LPP: variants seen among roughly 807,000 people sequenced by gnomAD.
LPP encodes the protein LIM domain containing preferred translocation partner in lipoma.
In LPP, 38 loss-of-function variants were observed where a neutral mutation model predicts 60.4. That is an observed-to-expected ratio of 0.63 (90% CI 0.49 to 0.83). The LOEUF is 0.83. Ranked by LOEUF, LPP falls within the 40% of genes least tolerant of loss-of-function variation. The pLI is 0.00. For synonymous variants in LPP, 328 were observed against 290.8 expected, an observed-to-expected ratio of 1.13 and a Z score of -1.30; for missense variants, 902 against 783.6, an observed-to-expected ratio of 1.15 and a Z score of -1.80.
chr3:188,519,680 G>T (rs527844246), intron 5 of LPP, among the ~76,000 whole-genome samples: 7 of 152,226 alleles, frequency 4.6e-5, no homozygotes, highest in Admixed American at 4.6e-4. Context: ...GGGTGGTTTT[G>T]CAACATCTTA....
intron 2 of LPP, among the ~76,000 whole-genome samples, chr3:188,267,308 C>T (rs192925968): frequency 6.6e-6 from 1 of 152,252 alleles, no homozygotes; most frequent in East Asian, 1.9e-4. Flanking sequence ...TCTTACTAGC[C>T]CCTCATTCCC....
chr3:188,584,872 A>G (rs1398796214), intron 6 of LPP, among the ~76,000 whole-genome samples: 11 of 152,036 alleles, frequency 7.2e-5, no homozygotes, highest in Non-Finnish European at 1.6e-4. Context: ...TCTCTGTGAT[A>G]TAAATTTATC....
At chr3:188,621,403 A>C (rs1051620338) in intron 7 of LPP, among the ~76,000 whole-genome samples, 3 of 152,140 alleles carry the variant, frequency 2.0e-5, no homozygotes, top group Non-Finnish European at 4.4e-5. Flanking sequence ...TCCCACTCAT[A>C]AGTGAGAATA....
intron 7 of LPP, among the ~76,000 whole-genome samples, chr3:188,682,832 G>A (rs971554524): frequency 2.6e-5 from 4 of 152,156 alleles, no homozygotes; most frequent in Non-Finnish European, 5.9e-5. Context: ...ACATATGCAT[G>A]AGACAGAGAA....
rs1489949286 is a variant in LPP at position 188,250,292 on chromosome 3, A to G, written c.-67+24765A>G. On this transcript the variant is annotated intron_variant, in intron 2 of 11. Transcript: ENST00000617246. The stretch of plus-strand genomic sequence containing the variant: ...ACAATTATAGTATTCCTCATTTTGT[A>G]TTAGTCACTGGTTTCTTCATGTTTT... 2.6e-5 allele frequency among the ~76,000 whole-genome samples: 4 copies of G among 152,176 alleles called. No homozygotes were observed. The East Asian group carries it at 7.7e-4, about 29-fold the overall frequency.
intron 2 of LPP, among the ~76,000 whole-genome samples, chr3:188,259,058 C>A (rs966072447): frequency 1.3e-5 from 2 of 152,154 alleles, no homozygotes; most frequent in African/African-American, 4.8e-5. Flanking sequence ...ATTTTCAACA[C>A]AGAAGGGGTG....
chr3:188,579,961 A>G (rs1835687825), intron 6 of LPP, among the ~76,000 whole-genome samples: 1 of 152,010 alleles, frequency 6.6e-6, no homozygotes, highest in Non-Finnish European at 1.5e-5. Context: ...TGACTGTATC[A>G]CTGCACTCCA....
In LPP at chr3:188,222,040, C is replaced by T. The variant is rs144659238; in HGVS notation, c.-189-3365C>T. Among the ~76,000 whole-genome samples the T allele has an allele frequency of 6.1e-3, 935 of 152,136 alleles. 6 individuals carry two copies. Among genetic ancestry groups the T allele is most frequent in the African/African-American group, 0.021 (851 of 41,510 alleles). ...TCCGTTCCTCAGTTTCTTCAGTGTT[C>T]AATTGGGAAATTTTTCTTATGGTTG... On this transcript the variant is annotated intron_variant, in intron 1 of 11. Transcript: ENST00000617246.
intron 7 of LPP, among the ~76,000 whole-genome samples, chr3:188,686,279 GT>G (rs1860694373): frequency 6.6e-6 from 1 of 152,120 alleles, no homozygotes; most frequent in South Asian, 2.1e-4. Context: ...GGCTGATTCT[GT>G]TTTATGTAGC....
At chr3:188,353,201 A>G (rs1019580690) in intron 3 of LPP, among the ~76,000 whole-genome samples, 2 of 152,160 alleles carry the variant, frequency 1.3e-5, no homozygotes, top group African/African-American at 4.8e-5. Flanking sequence ...AGAAATTGTG[A>G]CTTAAATGGG....
chr3:188,385,072 T>C lies in LPP; in HGVS notation c.-9-21040T>C, dbSNP rs187447427. ...TAGGGATCTAGTTGCTTACTTATTT[T>C]AGACAGTACATCCTTTATGGCCTTG... On this transcript the variant is annotated intron_variant, in intron 3 of 11. Coordinates refer to ENST00000617246, the MANE Select transcript of LPP (RefSeq NM_001375462.1). Among the ~76,000 whole-genome samples the C allele has an allele frequency of 2.8e-3, 421 of 151,886 alleles. 1 individual carries two copies. Among genetic ancestry groups the C allele is most frequent in the Middle Eastern group, 6.8e-3 (2 of 294 alleles).
chr3:188,329,914 A>G (rs1304963396), intron 2 of LPP, among the ~76,000 whole-genome samples: 2 of 152,186 alleles, frequency 1.3e-5, no homozygotes, highest in South Asian at 4.1e-4. Context: ...AAGTCACAGG[A>G]AAGAAAATTG....
At chr3:188,606,183 C>T (rs1001934445) in intron 6 of LPP, among the ~76,000 whole-genome samples, 6 of 152,168 alleles carry the variant, frequency 3.9e-5, no homozygotes, top group African/African-American at 1.2e-4. Flanking sequence ...GAGGAGATGA[C>T]GGCTCTGCCT....
At chr3:188,199,933 T>C (rs561290477) in intron 1 of LPP, among the ~76,000 whole-genome samples, 39 of 152,064 alleles carry the variant, frequency 2.6e-4, no homozygotes, top group Non-Finnish European at 5.6e-4. Flanking sequence ...CAGGCTGGTC[T>C]CGAACTCCTG....
At chr3:188,579,203 A>G (rs956911130) in intron 6 of LPP, among the ~76,000 whole-genome samples, 1 of 152,206 alleles carries the variant, frequency 6.6e-6, no homozygotes, top group Non-Finnish European at 1.5e-5. Context: ...AATCCTGCCA[A>G]AAGCATCCCA....
At chr3:188,809,748 CT>C (rs1750323796) in intron 9 of LPP, among the ~76,000 whole-genome samples, 1 of 152,286 alleles carries the variant, frequency 6.6e-6, no homozygotes, top group Admixed American at 6.5e-5. Context: ...CTCATGAAAT[CT>C]TTGCCCATGC....
At chr3:188,241,044 A>G (rs2149462945) in intron 2 of LPP, among the ~76,000 whole-genome samples, 1 of 152,356 alleles carries the variant, frequency 6.6e-6, no homozygotes, top group African/African-American at 2.4e-5. Flanking sequence ...GTAGCAAGAC[A>G]GTGAGAATGT....
chr3:188,248,617 A>C (rs140079961), intron 2 of LPP, among the ~76,000 whole-genome samples: 152 of 151,204 alleles, frequency 1.0e-3, no homozygotes, highest in African/African-American at 3.0e-3. Flanking sequence ...TGACCTCATA[A>C]TGTCTAACCT....
At chr3:188,863,636 C>G (rs4525856) in intron 9 of LPP, among the ~76,000 whole-genome samples, 1 of 152,066 alleles carries the variant, frequency 6.6e-6, no homozygotes, top group Non-Finnish European at 1.5e-5. Context: ...GATAACATGT[C>G]CTTCTACATC....
Sources: allele counts gnomAD v4.1 joint callset (sites outside exome capture counted in the v4.1 genomes callset), GRCh38; gene constraint gnomAD v4.1.1; transcripts MANE v1.5; gene names NCBI Gene and HGNC (gene_info 2026-07-23, HGNC 2026-07-21).